Variants in SCAPER observed in about 807,000 individuals in gnomAD.
The protein encoded by SCAPER is S-phase cyclin A associated protein in the ER.
Under a neutral mutation model 182.2 loss-of-function variants are expected in SCAPER, and 98 were observed. The ratio of observed to expected loss-of-function variants is 0.54; its 90% CI spans 0.46 to 0.64. The LOEUF is 0.64. Among genes scored for constraint, SCAPER ranks in the 30% least tolerant of loss-of-function variants. The pLI, the probability that SCAPER is intolerant of heterozygous loss-of-function variation, is 0.00. For synonymous variants in SCAPER, 605 were observed against 564.6 expected, an observed-to-expected ratio of 1.07 and a Z score of -1.01; for missense variants, 1,432 against 1,690.0, an observed-to-expected ratio of 0.85 and a Z score of 2.68.
chr15:76,850,872 A>G (rs1013578449), intron 4 of SCAPER, among the ~76,000 whole-genome samples: 26 of 151,548 alleles, frequency 1.7e-4, no homozygotes, highest in Non-Finnish European at 3.2e-4. Flanking sequence ...AAAAAAAAAA[A>G]AAAAAGAAAA....
intron 17 of SCAPER, among the ~76,000 whole-genome samples, chr15:76,714,531 A>AGTG (rs1256277963): frequency 7.7e-6 from 1 of 129,106 alleles, no homozygotes; most frequent in Non-Finnish European, 1.6e-5. Context: ...TAGTAGTAGT[A>AGTG]GTGGTAGTAG....
At chr15:76,624,475 C>T (rs2052387449) in intron 21 of SCAPER, among the ~76,000 whole-genome samples, 1 of 152,164 alleles carries the variant, frequency 6.6e-6, no homozygotes, top group African/African-American at 2.4e-5. Context: ...AATGGCTGCC[C>T]AAAGTAACCT....
chr15:76,759,054 T>A (rs2062618709), intron 14 of SCAPER, among the ~76,000 whole-genome samples: 1 of 152,178 alleles, frequency 6.6e-6, no homozygotes, highest in Admixed American at 6.5e-5. Flanking sequence ...TCCCTTCCCA[T>A]ATAATGCATT....
intron 1 of SCAPER, among the ~76,000 whole-genome samples, chr15:76,896,782 AC>A (rs2074455198): frequency 6.6e-6 from 1 of 151,924 alleles, no homozygotes; most frequent in Non-Finnish European, 1.5e-5. Flanking sequence ...CAGCAATCCA[AC>A]AAAAATACAA....
At chr15:76,794,447 G>A (rs1019822373) in intron 8 of SCAPER, among the ~76,000 whole-genome samples, 1 of 152,094 alleles carries the variant, frequency 6.6e-6, no homozygotes, top group African/African-American at 2.4e-5. Context: ...CTACTACTAA[G>A]TTAGTATGAA....
chr15:76,366,214 C>T (rs2041811578), intron 29 of SCAPER, among the ~76,000 whole-genome samples: 2 of 152,054 alleles, frequency 1.3e-5, no homozygotes, highest in African/African-American at 4.8e-5. Context: ...TTTAATAATG[C>T]CTTAAAATTC....
At chr15:76,844,404 T>A (rs928762981) in intron 4 of SCAPER, among the ~76,000 whole-genome samples, 16 of 151,166 alleles carry the variant, frequency 1.1e-4, no homozygotes, top group Non-Finnish European at 2.2e-4. Flanking sequence ...CCCAAAAAAA[T>A]GCACGTGTAT....
intron 20 of SCAPER, among the ~76,000 whole-genome samples, chr15:76,683,602 G>C (rs1288251465): frequency 6.6e-6 from 1 of 151,794 alleles, no homozygotes; most frequent in African/African-American, 2.4e-5. Context: ...AAAACACAGA[G>C]TCATCAGGTT....
intron 22 of SCAPER, among the ~76,000 whole-genome samples, chr15:76,583,077 G>A (rs1405136276): frequency 1.3e-5 from 2 of 152,112 alleles, no homozygotes; most frequent in African/African-American, 4.8e-5. Context: ...TGTAGGCCAG[G>A]TGCAGTGACT....
chr15:76,399,906 G>A (rs1187665406), intron 27 of SCAPER, among the ~76,000 whole-genome samples: 1 of 151,718 alleles, frequency 6.6e-6, no homozygotes, highest in African/African-American at 2.4e-5. Flanking sequence ...TCGGGAGGCT[G>A]AGGCAGGAGA....
chr15:76,349,432 G>T (rs1802477599), intron 31 of SCAPER: 1 of 149,632 alleles, frequency 6.7e-6, no homozygotes, highest in South Asian at 2.1e-4. Flanking sequence ...TTACTGGCCA[G>T]TGACATAGGT....
chr15:76,482,552 G>A (rs1433037132), intron 24 of SCAPER, among the ~76,000 whole-genome samples: 4 of 152,158 alleles, frequency 2.6e-5, no homozygotes. Flanking sequence ...TGGGAAGGAA[G>A]AAGTAAAGCT....
At chr15:76,899,344 T>C (rs1199452265) in intron 1 of SCAPER, among the ~76,000 whole-genome samples, 1 of 152,224 alleles carries the variant, frequency 6.6e-6, no homozygotes, top group African/African-American at 2.4e-5. Context: ...TTTGTATTTT[T>C]GGTGGAGATG....
intron 21 of SCAPER, among the ~76,000 whole-genome samples, chr15:76,650,740 G>T (rs945832430): frequency 1.3e-5 from 2 of 151,944 alleles, no homozygotes; most frequent in African/African-American, 2.4e-5. Context: ...AAGTAAATAA[G>T]CAATATTGTC....
At chr15:76,903,498 G>C (rs1031120291) in intron 1 of SCAPER, among the ~76,000 whole-genome samples, 10 of 152,206 alleles carry the variant, frequency 6.6e-5, no homozygotes, top group Non-Finnish European at 7.3e-5. Flanking sequence ...TAAGAGGCCA[G>C]AGAGAGACCC....
intron 25 of SCAPER, among the ~76,000 whole-genome samples, chr15:76,463,426 T>C (rs2049346601): frequency 6.6e-6 from 1 of 152,178 alleles, no homozygotes; most frequent in African/African-American, 2.4e-5. Flanking sequence ...ATTTCCTTTG[T>C]TTGTATCCAG....
chr15:76,388,404 T>C (rs1019762342), intron 27 of SCAPER, among the ~76,000 whole-genome samples: 2 of 151,858 alleles, frequency 1.3e-5, no homozygotes, highest in African/African-American at 4.8e-5. Flanking sequence ...TGCAGTGAGC[T>C]ATCATCGCCT....
At chr15:76,818,759 G>A (rs529755312) in intron 5 of SCAPER, among the ~76,000 whole-genome samples, 11 of 152,354 alleles carry the variant, frequency 7.2e-5, no homozygotes, top group African/African-American at 2.2e-4. Context: ...TGGGTGCAGC[G>A]CACCGTGCGT....
In SCAPER at chr15:76,780,240, C is replaced by T. The variant is rs191714473; in HGVS notation, c.773-5123G>A. ...AGGAGATTCTCTCCCGCGCCTGGCT[C>T]AGCAGGTCTCACGCCCATGGAGCCT... On this transcript the variant is annotated intron_variant, in intron 8 of 31. Coordinates refer to ENST00000563290, the MANE Select transcript of SCAPER (RefSeq NM_020843.4). 3.6e-3 allele frequency among the ~76,000 whole-genome samples: 556 copies of T among 152,374 alleles called. 6 individuals are homozygous for T. The highest frequency in any genetic ancestry group is 0.013 in the African/African-American group (537 of 41,600).
Sources: gnomAD v4.1 joint callset for allele counts (sites outside exome capture counted in the v4.1 genomes callset) on GRCh38, gnomAD v4.1.1 for gene constraint, MANE v1.5 for transcripts, NCBI Gene and HGNC (gene_info 2026-07-23, HGNC 2026-07-21) for gene names.